RIPOR2: variants seen among roughly 807,000 people sequenced by gnomAD.
The protein encoded by RIPOR2 is RHO family interacting cell polarization regulator 2.
In RIPOR2, 39 loss-of-function variants were observed where a neutral mutation model predicts 114.5. That is an observed-to-expected ratio of 0.34 (90% CI 0.26 to 0.44). RIPOR2 has a LOEUF of 0.44. Among genes scored for constraint, RIPOR2 ranks in the 20% least tolerant of loss-of-function variants. The pLI, the probability that RIPOR2 is intolerant of heterozygous loss-of-function variation, is 1.00. For missense variants in RIPOR2, 1,007 were observed against 1,255.1 expected (o/e 0.80, Z 2.99); for synonymous variants, 445 against 484.4 (o/e 0.92, Z 1.07).
At chr6:24,843,948 G>A (rs1371819460) in intron 12 of RIPOR2, among the ~76,000 whole-genome samples, 2 of 152,020 alleles carry the variant, frequency 1.3e-5, no homozygotes, top group East Asian at 1.9e-4. Flanking sequence ...TTCTATTTAG[G>A]CATCTATCTT....
intron 1 of RIPOR2, among the ~76,000 whole-genome samples, chr6:25,004,671 G>A (rs932002086): frequency 6.6e-6 from 1 of 152,200 alleles, no homozygotes; most frequent in Non-Finnish European, 1.5e-5. Flanking sequence ...CGAACTGGAG[G>A]CAGAAAACTG....
At chr6:24,862,794 G>GT (rs1206269240) in intron 7 of RIPOR2, among the ~76,000 whole-genome samples, 1 of 105,400 alleles carries the variant, frequency 9.5e-6, no homozygotes, top group East Asian at 2.5e-4. Flanking sequence ...TTCCTCCCCC[G>GT]ACCACTGGCA....
At chr6:24,931,604 A>G (rs1771395079) in intron 1 of RIPOR2, among the ~76,000 whole-genome samples, 1 of 152,220 alleles carries the variant, frequency 6.6e-6, no homozygotes, top group African/African-American at 2.4e-5. Flanking sequence ...GTTGCACTCT[A>G]CCAGCTCTGG....
chr6:24,958,663 A>T (rs976718201), intron 1 of RIPOR2, among the ~76,000 whole-genome samples: 4 of 152,116 alleles, frequency 2.6e-5, no homozygotes, highest in African/African-American at 9.7e-5. Context: ...GTCTGCCTAT[A>T]ATTTGGGGTG....
intron 1 of RIPOR2, among the ~76,000 whole-genome samples, chr6:24,897,248 G>T (rs572696308): frequency 1.3e-5 from 2 of 152,110 alleles, no homozygotes; most frequent in Non-Finnish European, 2.9e-5. Context: ...AGTGTATTTC[G>T]ATTCCTAGGA....
chr6:24,891,390 G>A (rs148544382), intron 1 of RIPOR2, among the ~76,000 whole-genome samples: 71 of 152,156 alleles, frequency 4.7e-4, no homozygotes, highest in Non-Finnish European at 9.3e-4. Flanking sequence ...GTATAGCTAC[G>A]TGCAAATATC....
chr6:24,817,994 G>T (rs1483503078), intron 20 of RIPOR2, among the ~76,000 whole-genome samples: 2 of 7,132 alleles, frequency 2.8e-4, no homozygotes. Flanking sequence ...TTTTGAGACA[G>T]AGTCTGGCTC....
At chr6:24,968,494 C>T (rs1034496557) in intron 1 of RIPOR2, among the ~76,000 whole-genome samples, 1 of 152,280 alleles carries the variant, frequency 6.6e-6, no homozygotes, top group East Asian at 1.9e-4. Flanking sequence ...TAATCCTGTG[C>T]TTTCCACTAA....
At chr6:24,854,753 C>T (rs972070922) in intron 8 of RIPOR2, among the ~76,000 whole-genome samples, 2 of 151,998 alleles carry the variant, frequency 1.3e-5, no homozygotes, top group East Asian at 1.9e-4. Flanking sequence ...ACAGGCTGGA[C>T]GTGGTGGCTC....
intron 8 of RIPOR2, 142 bp downstream of exon 8, chr6:24,860,831 C>G: frequency 1.7e-6 from 1 of 585,240 alleles, no homozygotes; most frequent in Admixed American, 3.2e-5. Flanking sequence ...CATCAGTAAA[C>G]TATCAAAAGT....
At chr6:24,954,313 A>C (rs1772926276) in intron 1 of RIPOR2, among the ~76,000 whole-genome samples, 1 of 152,162 alleles carries the variant, frequency 6.6e-6, no homozygotes, top group African/African-American at 2.4e-5. Context: ...TCCTTGGCAG[A>C]ATGTTGACTT....
chr6:24,990,036 A>T (rs1774729161), intron 1 of RIPOR2, among the ~76,000 whole-genome samples: 1 of 151,684 alleles, frequency 6.6e-6, no homozygotes, highest in Non-Finnish European at 1.5e-5. Context: ...AAAAATAAAA[A>T]TAAAAAAAAA....
At chr6:24,926,635 C>A (rs1561781291) in intron 1 of RIPOR2, among the ~76,000 whole-genome samples, 1 of 152,072 alleles carries the variant, frequency 6.6e-6, no homozygotes, top group Non-Finnish European at 1.5e-5. Context: ...TCAACTGTGT[C>A]TTTTATTAAG....
intron 1 of RIPOR2, among the ~76,000 whole-genome samples, chr6:25,039,211 AG>A (rs1285332230): frequency 6.6e-6 from 1 of 152,214 alleles, no homozygotes; most frequent in African/African-American, 2.4e-5. Flanking sequence ...AATATTGTTG[AG>A]GGCCACCCTT....
intron 1 of RIPOR2, among the ~76,000 whole-genome samples, chr6:24,969,360 A>G (rs1178606102): frequency 6.6e-6 from 1 of 152,196 alleles, no homozygotes; most frequent in Non-Finnish European, 1.5e-5. Flanking sequence ...GAGAATCAGA[A>G]TTTGCCATTT....
At chr6:24,885,522 C>A (rs1215811505) in intron 1 of RIPOR2, among the ~76,000 whole-genome samples, 2 of 152,146 alleles carry the variant, frequency 1.3e-5, no homozygotes, top group Non-Finnish European at 2.9e-5. Context: ...CCATGTCCGG[C>A]CAAAGTGGTA....
Position 24,875,679 on chromosome 6 carries a change from C to T in RIPOR2, c.188+12G>A, listed in dbSNP as rs771067019. ...CAAGCTGCATCCCGGGAGAGAACCA[C>T]ACAGTACTTGCCTGGATCGCCTTTC... On this transcript the variant is annotated intron_variant, in intron 2 of 21. Transcript: ENST00000643898. The T allele has an allele frequency of 1.2e-6, 2 of 1,610,136 alleles. No homozygotes were observed. Among genetic ancestry groups the T allele is most frequent in the Non-Finnish European group, 1.7e-6 (2 of 1,178,344 alleles).
At chr6:24,924,913 A>G (rs894163869) in intron 1 of RIPOR2, among the ~76,000 whole-genome samples, 2 of 152,216 alleles carry the variant, frequency 1.3e-5, no homozygotes, top group South Asian at 4.1e-4. Context: ...AAATATATAT[A>G]ACAAGAAAGA....
intron 1 of RIPOR2, among the ~76,000 whole-genome samples, chr6:24,922,505 G>A (rs1212568380): frequency 6.6e-6 from 1 of 151,068 alleles, no homozygotes; most frequent in Non-Finnish European, 1.5e-5. Context: ...TAGACCCTCA[G>A]GAATTGCCTG....
Sources: allele counts gnomAD v4.1 joint callset (sites outside exome capture counted in the v4.1 genomes callset), GRCh38; gene constraint gnomAD v4.1.1; transcripts MANE v1.5; gene names NCBI Gene and HGNC (gene_info 2026-07-23, HGNC 2026-07-21).